The following FAT3 variants were observed in gnomAD, a reference collection of about 807,000 sequenced individuals.
FAT3 encodes protocadherin Fat 3.
FAT3 carries 95 observed loss-of-function variants against 310.2 expected under a neutral mutation model. That is an observed-to-expected ratio of 0.31 (90% CI 0.26 to 0.36). FAT3 has a LOEUF of 0.36. Ranked by LOEUF, FAT3 falls within the 10% of genes least tolerant of loss-of-function variation. The pLI, the probability that FAT3 is intolerant of heterozygous loss-of-function variation, is 1.00. For synonymous variants in FAT3, 2,314 were observed against 2,192.9 expected (o/e 1.06, Z -1.54); for missense variants, 5,408 against 5,715.6 (o/e 0.95, Z 1.74).
intron 6 of FAT3, among the ~76,000 whole-genome samples, chr11:92,772,075 A>G (rs1226556999): frequency 1.3e-5 from 2 of 152,168 alleles, no homozygotes; most frequent in Middle Eastern, 3.2e-3. Context: ...TTTTGACTTG[A>G]CTCACACATT....
In FAT3 at chr11:92,798,387, G is replaced by C. The variant is rs776540951; in HGVS notation, c.5374G>C (p.Asp1792His). 6 of 1,613,058 alleles carry C rather than the reference G, an allele frequency of 3.7e-6. No individual in the cohort carries two copies. Among genetic ancestry groups the C allele is most frequent in the South Asian group, 2.2e-5 (2 of 91,018 alleles). ...APINSIVRSL[D>H]NSPLVIRATD... ...AATTAATAGCATTGTCAGGAGCTTGGATAACAGCCCACTGGTGATTCGAGC... is the reference window on the plus strand; with the variant it reads ...AATTAATAGCATTGTCAGGAGCTTGCATAACAGCCCACTGGTGATTCGAGC... Residue 1792 changes from aspartate (D) to histidine (H), a missense_variant, in exon 10 of 28, where the codon GAT becomes CAT. By Grantham distance (81) the Asp-to-His change is moderately conservative. Transcript: ENST00000525166.
intron 3 of FAT3, among the ~76,000 whole-genome samples, chr11:92,573,295 G>A (rs1349730088): frequency 6.6e-6 from 1 of 152,090 alleles, no homozygotes; most frequent in Admixed American, 6.6e-5. Flanking sequence ...CCCTGAGGAT[G>A]GCTATGCTGG....
chr11:92,832,615 A>G (rs879278661), intron 14 of FAT3, among the ~76,000 whole-genome samples: 52 of 152,248 alleles, frequency 3.4e-4, no homozygotes, highest in African/African-American at 1.2e-3. Flanking sequence ...AGGGGCAGCA[A>G]TGTGGTTTCT....
chr11:92,680,349 T>C (rs1468894137), intron 3 of FAT3, among the ~76,000 whole-genome samples: 1 of 152,220 alleles, frequency 6.6e-6, no homozygotes, highest in Non-Finnish European at 1.5e-5. Flanking sequence ...CAACACCATT[T>C]ATTTTCTGAA....
intron 3 of FAT3, among the ~76,000 whole-genome samples, chr11:92,637,670 A>C (rs957881468): frequency 2.0e-5 from 3 of 152,222 alleles, no homozygotes; most frequent in East Asian, 3.9e-4. Flanking sequence ...TAGTAACTTC[A>C]TGACTGTGTG....
intron 1 of FAT3, among the ~76,000 whole-genome samples, chr11:92,342,391 T>G (rs1315244174): frequency 6.6e-6 from 1 of 152,216 alleles, no homozygotes; most frequent in Non-Finnish European, 1.5e-5. Context: ...CTCTATCTTC[T>G]GCTTTCGTAT....
At chr11:92,747,084 C>G (rs1268867699) in intron 4 of FAT3, among the ~76,000 whole-genome samples, 1 of 152,200 alleles carries the variant, frequency 6.6e-6, no homozygotes, top group Admixed American at 6.5e-5. Flanking sequence ...AGGCAGTGCC[C>G]CAGTGGGTAG....
chr11:92,528,848 G>A (rs1236708607), intron 3 of FAT3, among the ~76,000 whole-genome samples: 1 of 152,116 alleles, frequency 6.6e-6, no homozygotes, highest in East Asian at 1.9e-4. Context: ...GTTTAGTAGA[G>A]AACTCAATAA....
chr11:92,844,386 G>A lies in FAT3; in HGVS notation c.11019G>A (p.Leu3673=). The change falls in exon 19 of 28, where the codon CTG becomes CTA. Residue 3673 remains leucine, a synonymous_variant. Coordinates refer to ENST00000525166, the MANE Select transcript of FAT3 (RefSeq NM_001367949.2). ...GLHMHGFRRT[L]RNAVLTQKQD... is the part of the protein sequence containing the mutation. ...ACATGCATGGGTTCCGGCGCACCCT[G>A]CGGAATGCAGTCCTCACCCAGAAGC... 6.2e-7 allele frequency: 1 copy of A among 1,613,932 alleles called. No homozygotes were observed. Among genetic ancestry groups the A allele is most frequent in the South Asian group, 1.1e-5 (1 of 91,082 alleles).
chr11:92,309,693 T>C (rs1396934100), intron 1 of FAT3, among the ~76,000 whole-genome samples: 2 of 152,130 alleles, frequency 1.3e-5, no homozygotes, highest in Non-Finnish European at 2.9e-5. Flanking sequence ...GAATGAAGGA[T>C]GGATCAGACA....
intron 3 of FAT3, among the ~76,000 whole-genome samples, chr11:92,640,920 T>C (rs1270678123): frequency 6.6e-6 from 1 of 152,156 alleles, no homozygotes; most frequent in African/African-American, 2.4e-5. Context: ...AAAAACAGTG[T>C]TCTGGTCTGG....
intron 19 of FAT3, among the ~76,000 whole-genome samples, chr11:92,849,098 C>T (rs1191885352): frequency 2.6e-5 from 4 of 152,156 alleles, no homozygotes; most frequent in African/African-American, 4.8e-5. Context: ...GTCTCATTAA[C>T]TTTTTTCAAA....
At chr11:92,381,445 G>A (rs1949493651) in intron 2 of FAT3, among the ~76,000 whole-genome samples, 1 of 152,118 alleles carries the variant, frequency 6.6e-6, no homozygotes, top group African/African-American at 2.4e-5. Flanking sequence ...CATGGGAGGC[G>A]GAGGTTGCAA....
intron 1 of FAT3, among the ~76,000 whole-genome samples, chr11:92,328,819 G>A (rs943983887): frequency 2.0e-5 from 3 of 152,182 alleles, no homozygotes; most frequent in Non-Finnish European, 2.9e-5. Context: ...AGACAGAGGT[G>A]ATGAATTGTG....
intron 1 of FAT3, among the ~76,000 whole-genome samples, chr11:92,344,037 A>G (rs907371191): frequency 1.3e-5 from 2 of 152,174 alleles, no homozygotes; most frequent in Non-Finnish European, 2.9e-5. Context: ...TACATATTAT[A>G]TCCCTTGGGA....
chr11:92,716,836 A>G (rs994200912), intron 4 of FAT3, among the ~76,000 whole-genome samples: 13 of 152,350 alleles, frequency 8.5e-5, no homozygotes, highest in African/African-American at 3.1e-4. Context: ...TAGAGATTTA[A>G]TGTTGTTACA....
intron 3 of FAT3, among the ~76,000 whole-genome samples, chr11:92,667,878 T>C (rs1242925669): frequency 6.6e-6 from 1 of 152,216 alleles, no homozygotes; most frequent in Non-Finnish European, 1.5e-5. Context: ...GACTCTCATA[T>C]AAAAGTGGAT....
At chr11:92,736,046 A>G (rs558971746) in intron 4 of FAT3, among the ~76,000 whole-genome samples, 2 of 152,258 alleles carry the variant, frequency 1.3e-5, no homozygotes, top group African/African-American at 2.4e-5. Flanking sequence ...TCCAGAAGCA[A>G]TGTTTTTCTC....
At chr11:92,360,368 G>A (rs4486588) in intron 2 of FAT3, among the ~76,000 whole-genome samples, 44,084 of 152,116 alleles carry the variant, frequency 0.29, 9,175 homozygotes, top group African/African-American at 0.59. Context: ...AATGTTCACA[G>A]TAAATGGATT....
Sources: allele counts gnomAD v4.1 joint callset (sites outside exome capture counted in the v4.1 genomes callset), GRCh38; gene constraint gnomAD v4.1.1; transcripts MANE v1.5; gene names NCBI Gene and HGNC (gene_info 2026-07-23, HGNC 2026-07-21).